SLC12A5: variants seen among roughly 807,000 people sequenced by gnomAD.
The protein encoded by SLC12A5 is K-Cl cotransporter 2.
SLC12A5 carries 18 observed loss-of-function variants against 124.0 expected under a neutral mutation model. The ratio of observed to expected loss-of-function variants is 0.15; its 90% CI spans 0.10 to 0.22. The LOEUF is 0.22. Ranked by LOEUF, SLC12A5 falls within the 10% of genes least tolerant of loss-of-function variation. The pLI, the probability that SLC12A5 is intolerant of heterozygous loss-of-function variation, is 1.00. For synonymous variants in SLC12A5, 589 were observed against 568.0 expected, an observed-to-expected ratio of 1.04 and a Z score of -0.53; for missense variants, 867 against 1,478.7, an observed-to-expected ratio of 0.59 and a Z score of 6.78.
At chr20:46,025,948 G>A (rs1363404099), upstream of SLC12A5, among the ~76,000 whole-genome samples, 1 of 152,144 alleles carries the variant, frequency 6.6e-6, no homozygotes, top group Non-Finnish European at 1.5e-5. Context: ...GGAATGCTAT[G>A]CCTGCCTCCT....
chr20:46,028,478 C>T (rs982565130), upstream of SLC12A5, among the ~76,000 whole-genome samples: 4 of 152,292 alleles, frequency 2.6e-5, no homozygotes, highest in Admixed American at 2.0e-4. Context: ...GGGTGGGACG[C>T]TGGGACTCTT....
upstream of SLC12A5, among the ~76,000 whole-genome samples, chr20:46,028,458 C>T (rs976874343): frequency 6.6e-6 from 1 of 152,186 alleles, no homozygotes; most frequent in African/African-American, 2.4e-5. Context: ...GCTCCAGGGA[C>T]TTGTCTTGGG....
rs760326738 is a variant in SLC12A5, at chr20:46,053,087, C to T, written c.2508C>T (p.Gly836=). The change falls in exon 19 of 26, where the codon GGC becomes GGT. Residue 836 remains glycine (G), a synonymous_variant. Transcript: ENST00000243964. This position sits in a 1 kb window ranked among gnomAD's most constrained non-coding sequence, Gnocchi z 4.7. ...TTTGGTGGATTGTGCACGATGGAGGCATGCTCATGCTGCTGCCCTTCCTGC... is the reference window on the plus strand; with the variant it reads ...TTTGGTGGATTGTGCACGATGGAGGTATGCTCATGCTGCTGCCCTTCCTGC... ...IDVWWIVHDG[G]MLMLLPFLLR... 3 of 1,612,926 alleles carry T rather than the reference C, an allele frequency of 1.9e-6. No homozygotes were observed. Among genetic ancestry groups the T allele is most frequent in the South Asian group, 2.2e-5 (2 of 91,062 alleles).
At chr20:46,041,148 A>G (rs1055478792) in intron 7 of SLC12A5, 181 bp from the exon 8 acceptor site, 6 of 547,262 alleles carry the variant, frequency 1.1e-5, no homozygotes, top group Non-Finnish European at 1.9e-5. Context: ...TATTAGAATC[A>G]CTTGGGGAGC....
Position 46,043,557 on chromosome 20 carries a change from G to A in SLC12A5, c.1238-76G>A, listed in dbSNP as rs560682433. 1.2e-5 allele frequency: 17 copies of A among 1,465,690 alleles called. No homozygotes were observed. The Admixed American group carries it at 2.7e-4, about 23-fold the overall frequency. 90.8% of individuals were successfully genotyped at this position (1,465,690 alleles called of 1,614,324 possible). A position where few individuals can be genotyped will look rare whatever the true frequency, so the allele number is the denominator to read the frequency against. ...AGATCCCAGACTCACTGACCCTGAG[G>A]GTGGTGCCCTTTTTTCTCATCTGTC... On this transcript the variant is annotated intron_variant, in intron 9 of 25. Coordinates refer to ENST00000243964, the MANE Select transcript of SLC12A5 (RefSeq NM_020708.5).
At chr20:46,041,165 A>G (rs2084543177) in intron 7 of SLC12A5, 164 bp from the exon 8 acceptor site, 2 of 568,172 alleles carry the variant, frequency 3.5e-6, no homozygotes, top group Admixed American at 6.5e-5. Flanking sequence ...GAGCTTAAGA[A>G]AAAAAAAAAA....
intron 7 of SLC12A5, 74 bp downstream of exon 7, chr20:46,040,688 C>A: frequency 6.4e-7 from 1 of 1,570,586 alleles, no homozygotes; most frequent in Non-Finnish European, 8.7e-7. Context: ...CTCTGCCAAA[C>A]TCCCCCTCCC....
At position 46,043,253 on chromosome 20, in the gene SLC12A5, C is replaced by T. The variant is rs1443621649; in HGVS notation, c.1167C>T (p.His389=). 6.2e-7 allele frequency: 1 copy of T among 1,614,092 alleles called. No homozygotes were observed. The highest frequency in any genetic ancestry group is 1.1e-5 in the South Asian group (1 of 91,066). ...LADGTPIDMD[H]PYVFSDMTSY... ...ATGGCACTCCTATCGACATGGACCA[C>T]CCTTATGTCTTCAGTGATATGACCT... The change falls in exon 9 of 26, where the codon CAC becomes CAT. Residue 389 remains histidine (H), a synonymous_variant. Coordinates refer to ENST00000243964, the MANE Select transcript of SLC12A5 (RefSeq NM_020708.5).
Position 46,055,074 on chromosome 20 carries a change from GGGTGGCAGGTTT to G in SLC12A5, c.2787+52_2787+63del. On this transcript the variant is annotated intron_variant, in intron 21 of 25. Coordinates refer to ENST00000243964, the MANE Select transcript of SLC12A5 (RefSeq NM_020708.5). ...AGAGCCTCAAACTGCTGCCAGTTCTGGGTGGCAGGTTTAGGATGCCTCAGGGCTGACACTCCT... is the reference window on the plus strand; with the variant it reads ...AGAGCCTCAAACTGCTGCCAGTTCTGAGGATGCCTCAGGGCTGACACTCCT... 3 of 1,422,134 alleles carry G rather than the reference GGGTGGCAGGTTT, an allele frequency of 2.1e-6. No individual in the cohort carries two copies. In the East Asian group the frequency reaches 6.8e-5, roughly 32 times the overall value. 88.1% of individuals were successfully genotyped at this position (1,422,134 alleles called of 1,614,324 possible).
In SLC12A5 at chr20:46,051,816, T is replaced by TG; in HGVS notation, c.2325dup (p.Pro776AlafsTer18). The TG allele has an allele frequency of 6.7e-7, 1 of 1,498,904 alleles. No individual in the cohort carries two copies. The highest frequency in any genetic ancestry group is 1.2e-5 in the South Asian group (1 of 86,858). The allele number at this position is 1,498,904 out of a possible 1,614,324, so 92.9% of individuals were successfully genotyped here. ...GCAGCACAACACTGTGCTTGTTGGC[T>TG]GGCCCCGCAACTGGCGCCAGAAGGA... On this transcript the variant is annotated frameshift_variant, in exon 18 of 26. Transcript: ENST00000243964. LOFTEE classifies it high-confidence loss of function.
intron 1 of SLC12A5, among the ~76,000 whole-genome samples, chr20:46,031,455 G>T (rs2084448517): frequency 6.6e-6 from 1 of 152,152 alleles, no homozygotes; most frequent in Admixed American, 6.5e-5. Flanking sequence ...CTTGAGAGAG[G>T]ACCATCAGGC....
intron 15 of SLC12A5, among the ~76,000 whole-genome samples, 169 bp from the exon 16 acceptor site, chr20:46,047,812 C>A (rs1003685464): frequency 2.6e-5 from 4 of 152,022 alleles, no homozygotes; most frequent in African/African-American, 9.7e-5. Flanking sequence ...AAGTGATTTT[C>A]CAAGGAAACT....
chr20:46,034,617 A>G (rs1264338955), intron 1 of SLC12A5, among the ~76,000 whole-genome samples: 1 of 152,190 alleles, frequency 6.6e-6, no homozygotes, highest in Admixed American at 6.5e-5. Context: ...CCACTGGGAA[A>G]GAACATGCCT....
intron 1 of SLC12A5, chr20:46,022,826 C>T (rs1196794140): frequency 5.0e-6 from 2 of 399,176 alleles, no homozygotes; most frequent in Non-Finnish European, 8.8e-6. Context: ...GAAGTAGCAT[C>T]CTGGGCGCGT....
intron 2 of SLC12A5, 28 bp downstream of exon 2, chr20:46,035,070 A>C (rs768103479): frequency 1.2e-6 from 2 of 1,605,294 alleles, no homozygotes; most frequent in African/African-American, 1.3e-5. Flanking sequence ...TTGGGCCCCC[A>C]CCTACAATTC....
At position 46,035,833 on chromosome 20, in the gene SLC12A5, T is replaced by G. The variant is rs2084493854; in HGVS notation, c.336T>G (p.Phe112Leu). The G allele has an allele frequency of 6.2e-7, 1 of 1,614,036 alleles. No individual in the cohort carries two copies. The highest frequency in any genetic ancestry group is 1.3e-5 in the African/African-American group (1 of 74,940). ...GVYLPCLQNI[F>L]GVILFLRLTW... ...ACCTGCCGTGCCTGCAGAACATCTT[T>G]GGCGTCATCCTCTTCCTGCGGCTCA... is the stretch of plus-strand genomic sequence containing the variant. Residue 112 changes from phenylalanine to leucine, a missense_variant, in exon 4 of 26, where the codon TTT (phenylalanine) becomes TTG (leucine). This residue lies in a region of SLC12A5 where 126 missense variants were observed against 291.6 expected (regional missense o/e 0.43). Transcript: ENST00000243964.
intron 2 of SLC12A5, 35 bp from the exon 3 acceptor site, chr20:46,035,369 C>T (rs372676625): frequency 6.3e-7 from 1 of 1,591,816 alleles, no homozygotes; most frequent in Non-Finnish European, 8.6e-7. Context: ...CACTTGCTCC[C>T]CCAGCCTCCT....
intron 1 of SLC12A5, 131 bp from the exon 2 acceptor site, chr20:46,034,817 G>T (rs909676477): frequency 7.8e-6 from 6 of 768,578 alleles, no homozygotes; most frequent in Non-Finnish European, 1.4e-5. Context: ...CTGCAAGGAA[G>T]GTGGTATTAG....
Position 46,053,574 on chromosome 20 carries a change from G to C in SLC12A5, c.2548-4G>C, listed in dbSNP as rs753026561. ...CCTTTCTGAATCCCCTTCATCGCCT[G>C]CAGGTCTGGCGGAAGTGCAAGATGC... On this transcript the variant is annotated splice_region_variant and splice_polypyrimidine_tract_variant and intron_variant, in intron 19 of 25. Transcript: ENST00000243964. This position sits in a 1 kb window ranked among gnomAD's most constrained non-coding sequence, Gnocchi z 4.7. The C allele has an allele frequency of 6.2e-7, 1 of 1,613,494 alleles. No individual in the cohort carries two copies. Among genetic ancestry groups the C allele is most frequent in the Admixed American group, 1.7e-5 (1 of 59,990 alleles).
Sources: gnomAD v4.1 joint callset for allele counts (sites outside exome capture counted in the v4.1 genomes callset) on GRCh38, gnomAD v4.1.1 for gene constraint, gnomAD v4.1.1 regional missense constraint, Gnocchi (gnomAD v3.1) non-coding constraint, MANE v1.5 for transcripts, NCBI Gene and HGNC (gene_info 2026-07-23, HGNC 2026-07-21) for gene names.